Variants in HUWE1 observed in about 807,000 individuals in gnomAD.
HUWE1 encodes the protein E3 ubiquitin-protein ligase HUWE1.
HUWE1 carries 18 observed loss-of-function variants against 299.4 expected under a neutral mutation model. That is an observed-to-expected ratio of 0.06 (90% CI 0.04 to 0.09). The LOEUF (loss-of-function observed/expected upper bound fraction) is 0.09. Ranked by LOEUF, HUWE1 falls within the 10% of genes least tolerant of loss-of-function variation. HUWE1 has a pLI of 1.00. For synonymous variants in HUWE1, 1,317 were observed against 1,286.1 expected (o/e 1.02, Z -0.51); for missense variants, 1,832 against 3,462.3 (o/e 0.53, Z 11.82).
At chrX:53,601,853 A>G (rs1556991137) in intron 28 of HUWE1, among the ~76,000 whole-genome samples, 1 of 109,208 alleles carries the variant, frequency 9.2e-6, no homozygotes, top group African/African-American at 3.3e-5. Flanking sequence ...TGTTTTCAGT[A>G]GAGACAGGGT....
intron 29 of HUWE1, among the ~76,000 whole-genome samples, chrX:53,596,020 C>T (rs782387506): frequency 8.9e-6 from 1 of 112,328 alleles, no homozygotes; most frequent in Non-Finnish European, 1.9e-5. Context: ...GAGTGCTTTC[C>T]AGCTTCTCTT....
At chrX:53,678,123 CATT>C (rs1557051790) in intron 3 of HUWE1, among the ~76,000 whole-genome samples, 1 of 112,108 alleles carries the variant, frequency 8.9e-6, no homozygotes, top group Non-Finnish European at 1.9e-5. Flanking sequence ...TGTAAAATCA[CATT>C]ATGGGATCAT....
At chrX:53,633,166 A>G (rs1225256690) in intron 8 of HUWE1, among the ~76,000 whole-genome samples, 1 of 112,112 alleles carries the variant, frequency 8.9e-6, no homozygotes, top group Non-Finnish European at 1.9e-5. Flanking sequence ...ATTCTCTTTA[A>G]CTCTAGAAAA....
Position 53,586,523 on chromosome X carries a change from G to A in HUWE1, c.4791C>T (p.Ala1597=). 2 of 1,206,957 alleles carry A rather than the reference G, an allele frequency of 1.7e-6. No individual in the cohort carries two copies. The highest frequency in any genetic ancestry group is 3.0e-5 in the East Asian group (1 of 33,825). The change falls in exon 39 of 84, where the codon GCC becomes GCT. Residue 1597 remains alanine, a synonymous_variant. Coordinates refer to ENST00000262854, the MANE Select transcript of HUWE1 (RefSeq NM_031407.7). ...TCTGGGCTCTCCTTTTTGAGGAGAT[G>A]GCTGTCTTTTCATAGAAATCAATCA... ...LLLIDFYEKT[A]ISSKRRAQMT...
At chrX:53,656,719 G>C (rs1282311580) in intron 3 of HUWE1, among the ~76,000 whole-genome samples, 1 of 110,531 alleles carries the variant, frequency 9.0e-6, no homozygotes, top group Non-Finnish European at 1.9e-5. Flanking sequence ...TGTATATGTT[G>C]TATAAGAACA....
intron 7 of HUWE1, among the ~76,000 whole-genome samples, chrX:53,640,822 A>G (rs1196615891): frequency 8.9e-6 from 1 of 112,404 alleles, no homozygotes; most frequent in Non-Finnish European, 1.9e-5. Context: ...CATACCCGAT[A>G]CTTTATATAT....
intron 55 of HUWE1, among the ~76,000 whole-genome samples, 194 bp from the exon 56 acceptor site, chrX:53,560,610 T>A (rs2062240053): frequency 9.0e-6 from 1 of 111,522 alleles, no homozygotes; most frequent in Non-Finnish European, 1.9e-5. Context: ...ACTTAGATAC[T>A]GCAACGGCCT....
In HUWE1 at chrX:53,547,589, A is replaced by G; in HGVS notation, c.10636+84T>C. ...CAAACCAAGCTGATTGCTATCACTGAGGGAGAACTATCTGGATGGAAAAGG... is the reference window on the plus strand; with the variant it reads ...CAAACCAAGCTGATTGCTATCACTGGGGGAGAACTATCTGGATGGAAAAGG... On this transcript the variant is annotated intron_variant, in intron 68 of 83. Coordinates refer to ENST00000262854, the MANE Select transcript of HUWE1 (RefSeq NM_031407.7). 6.0e-6 allele frequency: 7 copies of G among 1,166,513 alleles called. No individual in the cohort carries two copies. The South Asian group carries it at 1.2e-4, about 19-fold the overall frequency.
At chrX:53,536,031 G>A (rs782317983) in intron 80 of HUWE1, 116 bp downstream of exon 80, 4 of 454,667 alleles carry the variant, frequency 8.8e-6, no homozygotes, top group African/African-American at 2.5e-5. Context: ...GCTTTAAGAA[G>A]TCAAGATGCT....
intron 24 of HUWE1, 119 bp downstream of exon 24, chrX:53,608,733 C>T (rs2065280217): frequency 1.8e-6 from 1 of 562,789 alleles, no homozygotes; most frequent in East Asian, 3.3e-5. Context: ...ACATCTTTCC[C>T]CTCTTAATTG....
At chrX:53,569,907 C>T in intron 47 of HUWE1, 80 bp from the exon 48 acceptor site, 2 of 832,799 alleles carry the variant, frequency 2.4e-6, no homozygotes, top group South Asian at 4.3e-5. Flanking sequence ...GATACACACA[C>T]ACATAGTATT....
In HUWE1 at chrX:53,549,349, A is replaced by G. The variant is rs200728306; in HGVS notation, c.9645T>C (p.His3215=). 1 of 1,209,890 alleles carries G rather than the reference A, an allele frequency of 8.3e-7. No individual in the cohort carries two copies. The highest frequency in any genetic ancestry group is 1.1e-6 in the Non-Finnish European group (1 of 895,093). ...GGATGACCCAGTGGCGGGTCTGGGC[A>G]TGGTAGCAGAGATTTCTCAGTACTC... The part of the protein sequence containing the change: ...LHRVLRNLCY[H]AQTRHWVIRS... The change falls in exon 67 of 84, where the codon CAT becomes CAC. Residue 3215 remains histidine (H), a synonymous_variant. Transcript: ENST00000262854.
chrX:53,534,249 A>AG (rs2060899612), intron 82 of HUWE1, 52 bp from the exon 83 acceptor site: 1 of 1,033,053 alleles, frequency 9.7e-7, no homozygotes, highest in African/African-American at 1.9e-5. Flanking sequence ...TCCTAGAAGC[A>AG]GGGTGGGGGG....
chrX:53,620,387 C>T (rs1294379099), intron 19 of HUWE1, among the ~76,000 whole-genome samples: 11 of 110,172 alleles, frequency 1.0e-4, no homozygotes, highest in Admixed American at 1.9e-4. Context: ...TCCTGAGTAG[C>T]GCACCAGCAT....
At chrX:53,642,628 T>A (rs1276540172) in intron 7 of HUWE1, among the ~76,000 whole-genome samples, 1 of 112,133 alleles carries the variant, frequency 8.9e-6, no homozygotes, top group African/African-American at 3.2e-5. Context: ...TGTATGAGGG[T>A]TCCCATTGCT....
In HUWE1 at chrX:53,617,412, T is replaced by C. The variant is rs1557008533; in HGVS notation, c.1707A>G (p.Glu569=). 10 of 1,194,274 alleles carry C rather than the reference T, an allele frequency of 8.4e-6. No individual in the cohort carries two copies. In the East Asian group the frequency reaches 3.0e-4, roughly 36 times the overall value. ...CCTGGAGTGAGGAGAGCAGTGATGG[T>C]TCTTGAAATACAAACACAGTCACCA... ...TEVVTVFVFQ[E]PSLLSSLQDN... Residue 569 remains glutamate (E), a synonymous_variant, in exon 20 of 84, where the codon GAA becomes GAG. Coordinates refer to ENST00000262854, the MANE Select transcript of HUWE1 (RefSeq NM_031407.7).
chrX:53,538,732 T>A (rs1245324096), intron 76 of HUWE1, 103 bp downstream of exon 76: 41 of 817,674 alleles, frequency 5.0e-5, no homozygotes, highest in Admixed American at 3.5e-4. Flanking sequence ...ACACTCTCTC[T>A]CTCTCTCTCT....
In HUWE1 at chrX:53,535,276, A is replaced by G. The variant is rs7880329; in HGVS notation, c.12649+108T>C. 1.3e-3 allele frequency: 769 copies of G among 576,231 alleles called. 4 individuals are homozygous for G. In the African/African-American group the frequency reaches 0.016, roughly 12 times the overall value. The allele number at this position is 576,231 out of a possible 1,213,427, so 47.5% of individuals were successfully genotyped here. A position where few individuals can be genotyped will look rare whatever the true frequency, so the allele number is the denominator to read the frequency against. ...AAGTGTTTTGTCTTTTGTGCAAGGCATTTGTGGCTCTGTCATAGCAGAGGA... is the reference window on the plus strand; with the variant it reads ...AAGTGTTTTGTCTTTTGTGCAAGGCGTTTGTGGCTCTGTCATAGCAGAGGA... On this transcript the variant is annotated intron_variant, in intron 81 of 83. Transcript: ENST00000262854.
In HUWE1 at chrX:53,592,571, C is replaced by T; in HGVS notation, c.3799G>A (p.Gly1267Arg). 1.7e-6 allele frequency: 2 copies of T among 1,211,323 alleles called. No individual in the cohort carries two copies. Among genetic ancestry groups the T allele is most frequent in the Non-Finnish European group, 2.2e-6 (2 of 895,100 alleles). ...WNRKPLKVYGGRMAESMLAIL... is the reference protein window; with the variant it reads ...WNRKPLKVYGRRMAESMLAIL... The stretch of plus-strand genomic sequence containing the variant: ...GCCAGCATCGATTCAGCCATTCGTC[C>T]ACCATATACCTTCAGGGGTTTCCGG... Residue 1267 changes from glycine to arginine, a missense_variant, in exon 33 of 84, where the codon GGA becomes AGA. By Grantham distance (125) the Gly-to-Arg change is moderately radical (BLOSUM62 -2). Transcript: ENST00000262854.
Sources: allele counts gnomAD v4.1 joint callset (sites outside exome capture counted in the v4.1 genomes callset), GRCh38; gene constraint gnomAD v4.1.1; transcripts MANE v1.5; gene names NCBI Gene and HGNC (gene_info 2026-07-23, HGNC 2026-07-21).